The following LAMTOR5 variants were observed in gnomAD, a reference collection of about 807,000 sequenced individuals.
LAMTOR5 encodes the protein late endosomal/lysosomal adaptor, MAPK and MTOR activator 5.
A neutral mutation model predicts 12.1 loss-of-function variants in LAMTOR5; 8 were observed. The ratio of observed to expected loss-of-function variants is 0.66; its 90% CI spans 0.39 to 1.19. The LOEUF is 1.19. Ranked by LOEUF, LAMTOR5 falls within the 50% of genes most tolerant of loss-of-function variation. The pLI, the probability that LAMTOR5 is intolerant of heterozygous loss-of-function variation, is 0.01. For synonymous variants in LAMTOR5, 37 were observed against 41.9 expected, an observed-to-expected ratio of 0.88 and a Z score of 0.45; for missense variants, 110 against 112.8, an observed-to-expected ratio of 0.97 and a Z score of 0.11.
upstream of LAMTOR5, chr1:110,407,856 C>T (rs774778495): frequency 1.9e-6 from 3 of 1,613,174 alleles, no homozygotes; most frequent in East Asian, 2.2e-5. Context: ...GTGACCTGCA[C>T]CTGGCTCCAT....
At position 110,401,456 on chromosome 1, in the gene LAMTOR5, C is replaced by A; in HGVS notation, c.*67G>T. On this transcript the variant is annotated 3_prime_UTR_variant, in exon 4 of 4. Transcript: ENST00000602318. ...CCTAACTACTGGAACTTTAGTAGTT[C>A]TATAAGGTAATTAACATAGGTAGGA... 2 of 1,536,700 alleles carry A rather than the reference C, an allele frequency of 1.3e-6. No individual in the cohort carries two copies. The highest frequency in any genetic ancestry group is 1.2e-5 in the South Asian group (1 of 83,494).
intron 2 of LAMTOR5, among the ~76,000 whole-genome samples, chr1:110,405,291 G>A (rs541221606): frequency 1.3e-5 from 2 of 151,918 alleles, no homozygotes; most frequent in South Asian, 4.2e-4. Flanking sequence ...CTCCCGAGTA[G>A]CTGGGATTAC....
Position 110,401,451 on chromosome 1 carries a change from TA to T in LAMTOR5, c.*71del, listed in dbSNP as rs1222003153. ...AATGGCCTAACTACTGGAACTTTAGTAGTTCTATAAGGTAATTAACATAGGT... is the reference window on the plus strand; with the variant it reads ...AATGGCCTAACTACTGGAACTTTAGTGTTCTATAAGGTAATTAACATAGGT... On this transcript the variant is annotated 3_prime_UTR_variant, in exon 4 of 4. Transcript: ENST00000602318. 1 of 1,507,254 alleles carries T rather than the reference TA, an allele frequency of 6.6e-7. No individual in the cohort carries two copies. The highest frequency in any genetic ancestry group is 9.1e-7 in the Non-Finnish European group (1 of 1,100,320). The allele number at this position is 1,507,254 out of a possible 1,614,324, so 93.4% of individuals were successfully genotyped here. A position where few individuals can be genotyped will look rare whatever the true frequency, so the allele number is the denominator to read the frequency against.
chr1:110,403,902 T>C lies in LAMTOR5; in HGVS notation c.215+17A>G. On this transcript the variant is annotated intron_variant, in intron 3 of 3. Transcript: ENST00000602318. ...TTTTCTGAACAAAAAGGAAAGGATC[T>C]GCTGAAATCTACTCACCCATTATCT... 1 of 1,611,690 alleles carries C rather than the reference T, an allele frequency of 6.2e-7. No individual in the cohort carries two copies. Among genetic ancestry groups the C allele is most frequent in the Non-Finnish European group, 8.5e-7 (1 of 1,179,004 alleles).
intron 1 of LAMTOR5, 32 bp from the exon 2 acceptor site, chr1:110,406,411 C>CAAGAGTGAAATGGAA: frequency 6.7e-7 from 1 of 1,500,216 alleles, no homozygotes; most frequent in South Asian, 1.2e-5. Flanking sequence ...AGTTGAAGTA[C>CAAGAGTGAAATGGAA]ATAATGGGAG....
At chr1:110,406,841 A>AT in intron 1 of LAMTOR5, 1 of 433,090 alleles carries the variant, frequency 2.3e-6, no homozygotes, top group Admixed American at 4.2e-5. Context: ...AACACAAAAA[A>AT]TTTAAGTTCT....
At chr1:110,402,822 T>G (rs1663255066) in intron 3 of LAMTOR5, among the ~76,000 whole-genome samples, 1 of 152,082 alleles carries the variant, frequency 6.6e-6, no homozygotes, top group African/African-American at 2.4e-5. Context: ...AGTAAAAAAG[T>G]TTAAAAAAAG....
intron 3 of LAMTOR5, among the ~76,000 whole-genome samples, 173 bp from the exon 4 acceptor site, chr1:110,401,756 T>C (rs1048094217): frequency 4.6e-5 from 7 of 152,232 alleles, no homozygotes; most frequent in Admixed American, 6.5e-5. Flanking sequence ...ACATATAGCA[T>C]GTGAACACGA....
chr1:110,406,262 A>C (rs1056717926), intron 2 of LAMTOR5, 56 bp downstream of exon 2: 9 of 1,211,198 alleles, frequency 7.4e-6, no homozygotes, highest in South Asian at 7.2e-5. Context: ...GCTAGGCTCC[A>C]AGTCAACATC....
chr1:110,402,207 TTGA>T (rs200240489), intron 3 of LAMTOR5, among the ~76,000 whole-genome samples: 1 of 152,230 alleles, frequency 6.6e-6, no homozygotes, highest in East Asian at 1.9e-4. Flanking sequence ...TACGTAACGC[TTGA>T]TAATAATAAA....
At chr1:110,407,398 A>ATT (rs1266104106) in intron 1 of LAMTOR5, 188 bp downstream of exon 1, 1 of 736,362 alleles carries the variant, frequency 1.4e-6, no homozygotes. Context: ...GCCCGGCAGG[A>ATT]TTTTAATTCC....
chr1:110,402,801 A>G (rs1313661710), intron 3 of LAMTOR5, among the ~76,000 whole-genome samples: 1 of 152,200 alleles, frequency 6.6e-6, no homozygotes, highest in Non-Finnish European at 1.5e-5. Context: ...TTTTAACAAA[A>G]AAGTCTAAAA....
chr1:110,407,524 C>T, intron 1 of LAMTOR5, 62 bp downstream of exon 1: 1 of 1,571,342 alleles, frequency 6.4e-7, no homozygotes, highest in South Asian at 1.1e-5. Flanking sequence ...TCGCGCCTTT[C>T]GTTCCGCTCA....
Position 110,401,487 on chromosome 1 carries a change from T to G in LAMTOR5, c.*36A>C. ...GGTAATTAACATAGGTAGGATCCAG[T>G]TCCTATGACAGGCTGCTGAAGAACA... On this transcript the variant is annotated 3_prime_UTR_variant, in exon 4 of 4. Transcript: ENST00000602318. 6.3e-7 allele frequency: 1 copy of G among 1,588,268 alleles called. No individual in the cohort carries two copies.
Position 110,407,615 on chromosome 1 carries a change from C to T in LAMTOR5, c.6G>A (p.Glu2=). The T allele has an allele frequency of 1.9e-6, 3 of 1,614,170 alleles. No homozygotes were observed. The highest frequency in any genetic ancestry group is 4.5e-5 in the East Asian group (2 of 44,874). The part of the protein sequence containing the change: M[E]ATLEQHLEDT... ...CTTCCAAGTGCTGCTCCAAGGTCGC[C>T]TCCATCCCACCCACCGACCACTCCG... Residue 2 remains glutamate, a synonymous_variant, in exon 1 of 4, where the codon GAG becomes GAA. Coordinates refer to ENST00000602318, the MANE Select transcript of LAMTOR5 (RefSeq NM_001382293.1).
chr1:110,405,793 G>T (rs1234891624), intron 2 of LAMTOR5, among the ~76,000 whole-genome samples: 2 of 152,178 alleles, frequency 1.3e-5, no homozygotes, highest in African/African-American at 4.8e-5. Flanking sequence ...GGCCTAAAAG[G>T]TAGTTTTTTG....
intron 2 of LAMTOR5, among the ~76,000 whole-genome samples, chr1:110,405,327 ATT>A (rs913613639): frequency 6.3e-4 from 95 of 149,910 alleles, no homozygotes; most frequent in African/African-American, 2.3e-3. Context: ...TGCCTGGCTA[ATT>A]TTTTTTTGCA....
At chr1:110,405,561 G>A (rs987973717) in intron 2 of LAMTOR5, among the ~76,000 whole-genome samples, 14 of 152,064 alleles carry the variant, frequency 9.2e-5, no homozygotes, top group Admixed American at 5.9e-4. Context: ...GAACTCCTGG[G>A]CTCAAGTGAT....
chr1:110,401,668 C>A, intron 3 of LAMTOR5, 85 bp from the exon 4 acceptor site: 3 of 1,382,968 alleles, frequency 2.2e-6, no homozygotes, highest in Non-Finnish European at 2.0e-6. Context: ...CTTTAGGATA[C>A]AATATTTAAA....
Sources: gnomAD v4.1 joint callset for allele counts (sites outside exome capture counted in the v4.1 genomes callset) on GRCh38, gnomAD v4.1.1 for gene constraint, MANE v1.5 for transcripts, NCBI Gene and HGNC (gene_info 2026-07-23, HGNC 2026-07-21) for gene names.